The following PCDHA2 variants were observed in gnomAD, a reference collection of about 807,000 sequenced individuals.
PCDHA2 encodes the protein protocadherin alpha-2.
In PCDHA2, 58 loss-of-function variants were observed where a neutral mutation model predicts 66.0. The observed-to-expected ratio is 0.88, with a 90% CI of 0.71 to 1.09. PCDHA2 has a LOEUF of 1.09. Among genes scored for constraint, PCDHA2 ranks in the 50% least tolerant of loss-of-function variants. The probability of loss-of-function intolerance (pLI) is 0.00; values close to 1 mark genes in which losing one functional copy is unlikely to be tolerated. For missense variants in PCDHA2, 1,267 were observed against 1,242.3 expected (o/e 1.02, Z -0.30); for synonymous variants, 634 against 554.0 (o/e 1.14, Z -2.03).
intron 1 of PCDHA2, chr5:140,828,080 G>C (rs2150150678): frequency 6.3e-7 from 1 of 1,580,098 alleles, no homozygotes; most frequent in Non-Finnish European, 8.6e-7. Flanking sequence ...AATAAAACCA[G>C]AGGTATTTGA....
chr5:140,807,067 C>A, intron 1 of PCDHA2: 1 of 1,149,970 alleles, frequency 8.7e-7, no homozygotes, highest in Non-Finnish European at 1.2e-6. Flanking sequence ...TGGAAGGAAC[C>A]ATATACACTC....
intron 1 of PCDHA2, chr5:140,806,865 G>C: frequency 2.7e-6 from 1 of 371,838 alleles, no homozygotes; most frequent in East Asian, 5.4e-5. Context: ...GGTACAATGT[G>C]TACCACAGTA....
chr5:140,802,647 G>A (rs941404430), intron 1 of PCDHA2: 5 of 1,613,600 alleles, frequency 3.1e-6, no homozygotes, highest in Non-Finnish European at 4.2e-6. Context: ...GGACGCGGAC[G>A]CGCAGGAGAA....
intron 1 of PCDHA2, chr5:140,830,111 C>T: frequency 1.2e-6 from 2 of 1,613,576 alleles, no homozygotes; most frequent in Non-Finnish European, 1.7e-6. Context: ...GGAGAGTGGC[C>T]AGGCTCCAAA....
At chr5:140,877,030 C>G (rs1554169262) in intron 1 of PCDHA2, 5 of 1,612,300 alleles carry the variant, frequency 3.1e-6, no homozygotes, top group Non-Finnish European at 3.4e-6. Context: ...GGTGTACGCG[C>G]TGCAGCCGCT....
rs2042521817 is a variant in PCDHA2, at chr5:140,852,899, GTC to G, written c.2388+55548_2388+55549del. 441 of 840,720 alleles carry G rather than the reference GTC, an allele frequency of 5.2e-4. 11 individuals are homozygous for G. In the South Asian group the frequency reaches 0.021, roughly 39 times the overall value. The allele number at this position is 840,720 out of a possible 1,614,324, so 52.1% of individuals were successfully genotyped here. A position where few individuals can be genotyped will look rare whatever the true frequency, so the allele number is the denominator to read the frequency against. On this transcript the variant is annotated intron_variant, in intron 1 of 3. Coordinates refer to ENST00000526136, the MANE Select transcript of PCDHA2 (RefSeq NM_018905.3). ...TCATAAAACGTATTTTTTTTTTTGAGTCAGAGTCTCGCTCTGTTGCCCAGGCT... is the reference window on the plus strand; with the variant it reads ...TCATAAAACGTATTTTTTTTTTTGAGAGAGTCTCGCTCTGTTGCCCAGGCT...
At chr5:140,934,660 C>T (rs139449604) in intron 1 of PCDHA2, among the ~76,000 whole-genome samples, 2 of 152,152 alleles carry the variant, frequency 1.3e-5, no homozygotes, top group African/African-American at 2.4e-5. Flanking sequence ...TGATTCTTCC[C>T]CTTTGTTTAG....
chr5:140,934,511 T>G (rs999288213), intron 1 of PCDHA2, among the ~76,000 whole-genome samples: 1 of 152,210 alleles, frequency 6.6e-6, no homozygotes. Context: ...AAAGGGTCCA[T>G]AGACCACACT....
intron 1 of PCDHA2, chr5:140,870,834 C>G: frequency 6.2e-7 from 1 of 1,613,806 alleles, no homozygotes; most frequent in Non-Finnish European, 8.5e-7. Context: ...GCGCAGTTAA[C>G]AAGCTAGTAC....
intron 1 of PCDHA2, chr5:140,875,365 A>T: frequency 6.9e-7 from 1 of 1,449,394 alleles, no homozygotes; most frequent in Non-Finnish European, 9.1e-7. Context: ...TGCTGGAAAA[A>T]ATTTACTAAA....
chr5:140,891,912 T>C (rs2063306720), intron 1 of PCDHA2, among the ~76,000 whole-genome samples: 1 of 152,244 alleles, frequency 6.6e-6, no homozygotes, highest in Admixed American at 6.5e-5. Context: ...CTTCACCAGA[T>C]GCTGGTGCCT....
At chr5:140,882,009 A>C in intron 1 of PCDHA2, 1 of 522,488 alleles carries the variant, frequency 1.9e-6, no homozygotes, top group East Asian at 3.2e-5. Context: ...AGGGGCAAAA[A>C]AATACTACAT....
chr5:140,902,203 C>CTTTTTTTT (rs148688132), intron 1 of PCDHA2, among the ~76,000 whole-genome samples: 9 of 124,444 alleles, frequency 7.2e-5, no homozygotes, highest in Non-Finnish European at 8.4e-5. Context: ...CTCTCTCTTT[C>CTTTTTTTT]TTTTTTTTTT....
At chr5:140,929,379 GT>G (rs1554207046) in intron 1 of PCDHA2, 1 of 1,513,346 alleles carries the variant, frequency 6.6e-7, no homozygotes, top group African/African-American at 1.4e-5. Context: ...GCTGCTAGCT[GT>G]GTTTTGAAAT....
intron 1 of PCDHA2, chr5:140,842,240 A>G: frequency 6.2e-7 from 1 of 1,612,484 alleles, no homozygotes; most frequent in East Asian, 2.2e-5. Context: ...GATTCGGGGT[A>G]ATTTGGATTT....
At chr5:140,804,826 A>T in intron 1 of PCDHA2, 1 of 380,196 alleles carries the variant, frequency 2.6e-6, no homozygotes, top group East Asian at 4.4e-5. Context: ...AACCTGGTTA[A>T]TACTCATTGA....
At chr5:140,803,198 G>T in intron 1 of PCDHA2, 1 of 1,613,910 alleles carries the variant, frequency 6.2e-7, no homozygotes, top group Non-Finnish European at 8.5e-7. Flanking sequence ...CTGTGCTGGT[G>T]TCGCTGGTGG....
At chr5:140,880,241 C>A (rs529552139) in intron 1 of PCDHA2, among the ~76,000 whole-genome samples, 1 of 150,190 alleles carries the variant, frequency 6.7e-6, no homozygotes, top group African/African-American at 2.5e-5. Flanking sequence ...AGTGTATGTG[C>A]GTGTGTGTAT....
At chr5:140,939,281 G>C (rs1554212652) in intron 1 of PCDHA2, among the ~76,000 whole-genome samples, 1 of 152,014 alleles carries the variant, frequency 6.6e-6, no homozygotes. Context: ...CTGTGCCCTC[G>C]TGATCTAATC....
Sources: gnomAD v4.1 joint callset for allele counts (sites outside exome capture counted in the v4.1 genomes callset) on GRCh38, gnomAD v4.1.1 for gene constraint, MANE v1.5 for transcripts, NCBI Gene and HGNC (gene_info 2026-07-23, HGNC 2026-07-21) for gene names.